Variants in LYPD6B observed in about 807,000 individuals in gnomAD.
LYPD6B encodes ly6/PLAUR domain-containing protein 6B.
Under a neutral mutation model 22.8 loss-of-function variants are expected in LYPD6B, and 17 were observed. That is an observed-to-expected ratio of 0.75 (90% CI 0.51 to 1.12). LYPD6B has a LOEUF of 1.12. Ranked by LOEUF, LYPD6B falls within the 50% of genes most tolerant of loss-of-function variation. LYPD6B has a pLI of 0.00. For synonymous variants in LYPD6B, 106 were observed against 91.6 expected, an observed-to-expected ratio of 1.16 and a Z score of -0.90; for missense variants, 221 against 258.3, an observed-to-expected ratio of 0.86 and a Z score of 0.99.
At position 149,094,566 on chromosome 2, in the gene LYPD6B, A is replaced by C. The variant is rs558550692; in HGVS notation, c.-66-36317A>C. Among the ~76,000 whole-genome samples the C allele has an allele frequency of 3.3e-5, 5 of 152,348 alleles. No individual in the cohort carries two copies. In the South Asian group the frequency reaches 1.0e-3, roughly 32 times the overall value. On this transcript the variant is annotated intron_variant, in intron 1 of 6. Transcript: ENST00000409642. ...TGCCTGTTAGAGCAGTAGAGTAATT[A>C]TGCATTTCCTGTAAGACTGGGATTC...
chr2:149,144,875 T>A (rs1356599391), intron 2 of LYPD6B, among the ~76,000 whole-genome samples: 1 of 152,140 alleles, frequency 6.6e-6, no homozygotes, highest in Non-Finnish European at 1.5e-5. Flanking sequence ...CCACCCCTGA[T>A]TTGTATTGAA....
At chr2:149,155,227 G>A (rs555656521) in intron 2 of LYPD6B, among the ~76,000 whole-genome samples, 25 of 152,312 alleles carry the variant, frequency 1.6e-4, no homozygotes, top group Non-Finnish European at 2.8e-4. Context: ...TCTGCAGCCC[G>A]CAGAATCAGC....
intron 3 of LYPD6B, among the ~76,000 whole-genome samples, chr2:149,199,452 G>A (rs879294015): frequency 1.3e-5 from 2 of 152,120 alleles, no homozygotes; most frequent in Non-Finnish European, 2.9e-5. Context: ...GCACAAGGAC[G>A]GTGTGCTCAG....
chr2:149,182,145 T>A (rs541338905), intron 3 of LYPD6B, among the ~76,000 whole-genome samples: 4 of 152,346 alleles, frequency 2.6e-5, no homozygotes, highest in African/African-American at 9.6e-5. Flanking sequence ...TTTAAGCACC[T>A]TATATTTTTA....
chr2:149,099,686 G>A (rs1310758946), intron 1 of LYPD6B, among the ~76,000 whole-genome samples: 1 of 152,160 alleles, frequency 6.6e-6, no homozygotes, highest in Non-Finnish European at 1.5e-5. Context: ...CTGGTCTAGG[G>A]TCAAATGCCT....
intron 2 of LYPD6B, among the ~76,000 whole-genome samples, chr2:149,156,538 G>T (rs1689713043): frequency 6.6e-6 from 1 of 152,168 alleles, no homozygotes; most frequent in Non-Finnish European, 1.5e-5. Flanking sequence ...TGTCAGCAAG[G>T]TTGGGTCTTT....
Position 149,175,655 on chromosome 2 carries a change from T to C in LYPD6B, c.77+14820T>C, listed in dbSNP as rs530792814. Among the ~76,000 whole-genome samples the C allele has an allele frequency of 2.9e-3, 443 of 151,830 alleles. 4 individuals carry two copies. The highest frequency in any genetic ancestry group is 2.2e-3 in the Non-Finnish European group (150 of 67,940). On this transcript the variant is annotated intron_variant, in intron 3 of 6. Transcript: ENST00000409642. ...AACACATTTTGCAGATATACAAAAA[T>C]ATTTTTTCTTTACATCCTTATTCTA...
At position 149,130,958 on chromosome 2, in the gene LYPD6B, G is replaced by A. The variant is rs765396968; in HGVS notation, c.5+5G>A. The A allele has an allele frequency of 3.8e-6, 6 of 1,594,598 alleles. No individual in the cohort carries two copies. The highest frequency in any genetic ancestry group is 2.7e-5 in the African/African-American group (2 of 74,662). On this transcript the variant is annotated splice_donor_5th_base_variant and intron_variant, in intron 2 of 6. Transcript: ENST00000409642. Reference sequence around the variant, plus strand: ...CTTGTTAATCACATGGATGTTGTGAGTATTATATTCACAAGTGGATGTAGA... The same window carrying A: ...CTTGTTAATCACATGGATGTTGTGAATATTATATTCACAAGTGGATGTAGA...
Position 149,130,928 on chromosome 2 carries a change from C to A in LYPD6B, c.-21C>A, listed in dbSNP as rs774047172. The A allele has an allele frequency of 3.1e-6, 5 of 1,600,000 alleles. No individual in the cohort carries two copies. Among genetic ancestry groups the A allele is most frequent in the Non-Finnish European group, 4.3e-6 (5 of 1,167,362 alleles). The stretch of plus-strand genomic sequence containing the variant: ...CTGTTGGCAACCCTCCTGGACTAGG[C>A]TGCTCTTGTTAATCACATGGATGTT... On this transcript the variant is annotated 5_prime_UTR_variant, in exon 2 of 7. It adds an upstream start codon to the 5' untranslated region. Coordinates refer to ENST00000409642, the MANE Select transcript of LYPD6B (RefSeq NM_177964.5).
At chr2:149,197,893 C>T (rs1038542420) in intron 3 of LYPD6B, among the ~76,000 whole-genome samples, 10 of 152,146 alleles carry the variant, frequency 6.6e-5, no homozygotes, top group Admixed American at 2.0e-4. Flanking sequence ...AATTATTTCA[C>T]CTGTGTGAAG....
chr2:149,068,090 T>A (rs1297845264), intron 1 of LYPD6B, among the ~76,000 whole-genome samples: 1 of 152,220 alleles, frequency 6.6e-6, no homozygotes, highest in African/African-American at 2.4e-5. Context: ...TTTGCCCAAA[T>A]CTCTGCTTTT....
chr2:149,189,367 T>TATATATATATATATATATATATATATAC (rs1290881582), intron 3 of LYPD6B, among the ~76,000 whole-genome samples: 2 of 81,008 alleles, frequency 2.5e-5, no homozygotes, highest in Admixed American at 1.3e-4. Context: ...TATATATATA[T>TATATATATATATATATATATATATATAC]ACACACACAT....
At position 149,213,121 on chromosome 2, in the gene LYPD6B, C is replaced by T. The variant is rs755730639; in HGVS notation, c.458C>T (p.Thr153Met). 1.8e-5 allele frequency: 29 copies of T among 1,610,664 alleles called. No individual in the cohort carries two copies. The highest frequency in any genetic ancestry group is 1.6e-4 in the Middle Eastern group (1 of 6,062). Residue 153 changes from threonine (T) to methionine (M), a missense_variant and splice_region_variant, in exon 6 of 7, where the codon ACG becomes ATG. Physicochemically the swap from Thr to Met is moderately conservative, Grantham distance 81 (BLOSUM62 -1). Coordinates refer to ENST00000409642, the MANE Select transcript of LYPD6B (RefSeq NM_177964.5). ...CACCACAGCCGAGATTCTGAACATACGGTAAGGATCGTGTGTGTGTGTTAT... is the reference window on the plus strand; with the variant it reads ...CACCACAGCCGAGATTCTGAACATATGGTAAGGATCGTGTGTGTGTGTTAT... ...GCHHSRDSEH[T>M]ECRSCCEGMI...
intron 1 of LYPD6B, among the ~76,000 whole-genome samples, chr2:149,080,869 C>CA (rs1685101646): frequency 1.5e-4 from 13 of 87,016 alleles, no homozygotes; most frequent in South Asian, 3.8e-4. Flanking sequence ...AAAAAAAAAC[C>CA]ACACAAAAAA....
intron 1 of LYPD6B, among the ~76,000 whole-genome samples, chr2:149,092,440 C>T (rs541510634): frequency 1.2e-4 from 18 of 152,150 alleles, no homozygotes; most frequent in South Asian, 2.1e-4. Context: ...ACAAGACAGG[C>T]GTAAAATCTG....
intron 1 of LYPD6B, among the ~76,000 whole-genome samples, chr2:149,068,326 G>A (rs1158676839): frequency 6.6e-6 from 1 of 152,134 alleles, no homozygotes; most frequent in Non-Finnish European, 1.5e-5. Context: ...CTTTCTCCAA[G>A]TCTAGTTGTT....
Position 149,124,021 on chromosome 2 carries a change from C to A in LYPD6B, c.-66-6862C>A, listed in dbSNP as rs190921249. 3.3e-3 allele frequency among the ~76,000 whole-genome samples: 505 copies of A among 152,294 alleles called. 3 individuals are homozygous for A. In the Middle Eastern group the frequency reaches 0.037, roughly 11 times the overall value. On this transcript the variant is annotated intron_variant, in intron 1 of 6. Coordinates refer to ENST00000409642, the MANE Select transcript of LYPD6B (RefSeq NM_177964.5). ...GCCCCCCGGGCTCCTTTGCTGTATG[C>A]TTTTCTAGTTAAGGACCCACTCCTG...
rs564036089 is a variant in LYPD6B at position 149,072,064 on chromosome 2, T to C, written c.-67+33263T>C. ...CTCCTGCCTCAGCCTCCTGAGTAGT[T>C]GGGATTACAGGCACACACCACTACA... On this transcript the variant is annotated intron_variant, in intron 1 of 6. Transcript: ENST00000409642. Among the ~76,000 whole-genome samples the C allele has an allele frequency of 8.5e-4, 129 of 152,308 alleles. 1 individual carries two copies. Among genetic ancestry groups the C allele is most frequent in the African/African-American group, 2.5e-3 (103 of 41,562 alleles).
At chr2:149,100,612 G>A (rs1686156010) in intron 1 of LYPD6B, among the ~76,000 whole-genome samples, 1 of 151,872 alleles carries the variant, frequency 6.6e-6, no homozygotes, top group African/African-American at 2.4e-5. Context: ...CTTCAAAGAG[G>A]GTTAACTAGT....
Sources: gnomAD v4.1 joint callset for allele counts (sites outside exome capture counted in the v4.1 genomes callset) on GRCh38, gnomAD v4.1.1 for gene constraint, MANE v1.5 for transcripts, NCBI Gene and HGNC (gene_info 2026-07-23, HGNC 2026-07-21) for gene names.